RNF207: variants seen among roughly 807,000 people sequenced by gnomAD.
RNF207 encodes the protein OTTHUMG00000001089.
A neutral mutation model predicts 79.0 loss-of-function variants in RNF207; 72 were observed. The ratio of observed to expected loss-of-function variants is 0.91; its 90% CI spans 0.75 to 1.11. The LOEUF (loss-of-function observed/expected upper bound fraction) is 1.11, where lower values mean the gene tolerates loss of function less well. Ranked by LOEUF, RNF207 falls within the 50% of genes least tolerant of loss-of-function variation. The pLI, the probability that RNF207 is intolerant of heterozygous loss-of-function variation, is 0.00. For synonymous variants in RNF207, 348 were observed against 366.2 expected (o/e 0.95, Z 0.57); for missense variants, 936 against 855.8 (o/e 1.09, Z -1.17).
rs1469493756 is a variant in RNF207 at position 6,215,775 on chromosome 1, G to T, written c.1653-2514G>T. ...CCTCCCAGGTTCAATCGATTCTCCT[G>T]CCTCAGCCTCCAGAGTAGCTGGGAT... On this transcript the variant is annotated intron_variant, in intron 16 of 17. Coordinates refer to ENST00000377939, the MANE Select transcript of RNF207 (RefSeq NM_207396.3). Among the ~76,000 whole-genome samples the T allele has an allele frequency of 2.6e-5, 4 of 152,154 alleles. No individual in the cohort carries two copies. The East Asian group carries it at 7.7e-4, about 29-fold the overall frequency.
Position 6,219,244 on chromosome 1 carries a change from C to A in RNF207, c.1742C>A (p.Pro581Gln). ...RNNAASARNNPGSVPEKREKT... is the reference protein window; with the variant it reads ...RNNAASARNNQGSVPEKREKT... ...TGAGGCTGTCCCTTTAGGAATAATC[C>A]AGGAAGTGTCCCGGAAAAGAGAGAG... Residue 581 changes from proline (P) to glutamine (Q), a missense_variant, in exon 18 of 18, where the codon CCA becomes CAA. Transcript: ENST00000377939. 1 of 1,609,550 alleles carries A rather than the reference C, an allele frequency of 6.2e-7. No homozygotes were observed. The highest frequency in any genetic ancestry group is 1.7e-5 in the Admixed American group (1 of 59,114).
chr1:6,208,957 C>A lies in RNF207; in HGVS notation c.401C>A (p.Ala134Glu). The part of the protein sequence containing the change: ...CARCRDETHR[A>E]RMFARHDIVA... The stretch of plus-strand genomic sequence containing the variant: ...CGCTGCCGCGACGAGACGCACCGAG[C>A]ACGCATGTTCGCGCGCCACGACATC... Residue 134 changes from alanine to glutamate, a missense_variant, in exon 4 of 18, where the codon GCA becomes GAA. Coordinates refer to ENST00000377939, the MANE Select transcript of RNF207 (RefSeq NM_207396.3). 1 of 1,536,644 alleles carries A rather than the reference C, an allele frequency of 6.5e-7. No homozygotes were observed. The highest frequency in any genetic ancestry group is 1.4e-5 in the African/African-American group (1 of 72,916).
In RNF207 at chr1:6,207,702, G is replaced by A. The variant is rs1379200568; in HGVS notation, c.324+191G>A. 6 of 733,890 alleles carry A rather than the reference G, an allele frequency of 8.2e-6. No individual in the cohort carries two copies. In the African/African-American group the frequency reaches 1.0e-4, roughly 13 times the overall value. The allele number at this position is 733,890 out of a possible 1,614,324, so 45.5% of individuals were successfully genotyped here. A position where few individuals can be genotyped will look rare whatever the true frequency, so the allele number is the denominator to read the frequency against. Reference sequence around the variant, plus strand: ...GGGGAGACTGAGGTCCAGAACAAGGGACTTGAGCCAGTGTCCAGACAGTGG... The same window carrying A: ...GGGGAGACTGAGGTCCAGAACAAGGAACTTGAGCCAGTGTCCAGACAGTGG... On this transcript the variant is annotated intron_variant, in intron 3 of 17. Transcript: ENST00000377939. The surrounding 1 kb of genome is among the most constrained non-coding windows in gnomAD (Gnocchi z 4.5).
At position 6,211,099 on chromosome 1, in the gene RNF207, G is replaced by T; in HGVS notation, c.1090G>T (p.Ala364Ser). 1 of 1,598,352 alleles carries T rather than the reference G, an allele frequency of 6.3e-7. No homozygotes were observed. Residue 364 changes from alanine (A) to serine (S), a missense_variant, in exon 12 of 18, where the codon GCT (alanine) becomes TCT (serine). Physicochemically the swap from Ala to Ser is moderately conservative, Grantham distance 99. Coordinates refer to ENST00000377939, the MANE Select transcript of RNF207 (RefSeq NM_207396.3). This position sits in a 1 kb window ranked among gnomAD's most constrained non-coding sequence, Gnocchi z 4.2. ...GCTGGGGCCACGTCGGGTGGCAGCT[G>T]CTGCAAGTGGTGCTAACACGTGAGC... ...LLLGPRRVAA[A>S]ASGANTLAGG...
Position 6,218,294 on chromosome 1 carries a change from A to G in RNF207, c.1658A>G (p.Gln553Arg). ...GGTGCCCACTCCCTTGCCAGGTTTC[A>G]GGCACCCGTGGATGAGCAGTCAGAG... ...KVKERLEPRF[Q>R]APVDEQSESL... Residue 553 changes from glutamine to arginine, a missense_variant, in exon 17 of 18, where the codon CAG (glutamine) becomes CGG (arginine). Gln to Arg is a conservative substitution (Grantham distance 43, BLOSUM62 1). Transcript: ENST00000377939. 6.2e-7 allele frequency: 1 copy of G among 1,612,840 alleles called. No individual in the cohort carries two copies. The highest frequency in any genetic ancestry group is 8.5e-7 in the Non-Finnish European group (1 of 1,178,838).
At chr1:6,206,513 G>T (rs766742539) in intron 1 of RNF207, 23 bp from the exon 2 acceptor site, 33 of 1,524,656 alleles carry the variant, frequency 2.2e-5, no homozygotes, top group Non-Finnish European at 2.9e-5. Context: ...TGCCCCAGCC[G>T]CCCGCTTGCG....
Position 6,219,311 on chromosome 1 carries a change from CCTCTCAGAAGAG to C in RNF207, c.1811_1822del (p.Leu604_Glu607del). The C allele has an allele frequency of 6.2e-7, 1 of 1,613,310 alleles. No individual in the cohort carries two copies. The highest frequency in any genetic ancestry group is 8.5e-7 in the Non-Finnish European group (1 of 1,179,558). On this transcript the variant is annotated inframe_deletion, in exon 18 of 18. Transcript: ENST00000377939. ...AAGGAAACAGCTGGGCTCCGAACGGCCTCTCAGAAGAGCCTCTACTGAAAAATATGGATCATC... is the reference window on the plus strand; with the variant it reads ...AAGGAAACAGCTGGGCTCCGAACGGCCCTCTACTGAAAAATATGGATCATC...
At chr1:6,210,011 G>T (rs1413648616) in intron 8 of RNF207, 41 bp downstream of exon 8, 6 of 1,535,138 alleles carry the variant, frequency 3.9e-6, no homozygotes, top group Non-Finnish European at 5.3e-6. Context: ...TTACCCCTTG[G>T]CCTCCATGGC....
intron 3 of RNF207, 55 bp from the exon 4 acceptor site, chr1:6,208,826 C>T: frequency 6.8e-7 from 1 of 1,480,950 alleles, no homozygotes; most frequent in Non-Finnish European, 8.9e-7. Flanking sequence ...GGCTGCGGTT[C>T]CCGCGCTGGC....
Position 6,209,463 on chromosome 1 carries a change from A to T in RNF207, c.677A>T (p.Gln226Leu). 8 of 1,512,536 alleles carry T rather than the reference A, an allele frequency of 5.3e-6. No individual in the cohort carries two copies. Among genetic ancestry groups the T allele is most frequent in the Non-Finnish European group, 7.0e-6 (8 of 1,135,674 alleles). 93.7% of individuals were successfully genotyped at this position (1,512,536 alleles called of 1,614,324 possible). Residue 226 changes from glutamine to leucine, a missense_variant, in exon 7 of 18, where the codon CAG becomes CTG. Transcript: ENST00000377939. ...TATREAIALL[Q>L]AMVEEVRHSA... The stretch of plus-strand genomic sequence containing the variant: ...ACGCGGGAGGCCATCGCGCTGCTGC[A>T]GGCCATGGTGGAGGAGGTGCGGCAC...
rs746353760 is a variant in RNF207, at chr1:6,206,684, G to A, written c.149G>A (p.Arg50His). 1 of 1,604,404 alleles carries A rather than the reference G, an allele frequency of 6.2e-7. No individual in the cohort carries two copies. Among genetic ancestry groups the A allele is most frequent in the Non-Finnish European group, 8.5e-7 (1 of 1,179,708 alleles). ...CACGACTTCTGTGCCGGCTGCCTGC[G>A]TGGCCGCGCGACCGACGGCCGCCTC... is the stretch of plus-strand genomic sequence containing the variant. ...CFHDFCAGCL[R>H]GRATDGRLTC... Residue 50 changes from arginine (R) to histidine (H), a missense_variant, in exon 2 of 18, where the codon CGT (arginine) becomes CAT (histidine). Arg to His is a conservative substitution (Grantham distance 29). Transcript: ENST00000377939.
chr1:6,215,323 C>T (rs1349281518), intron 16 of RNF207, among the ~76,000 whole-genome samples: 1 of 150,888 alleles, frequency 6.6e-6, no homozygotes, highest in African/African-American at 2.5e-5. Context: ...CCACTGCACC[C>T]GGCCCCCCTT....
intron 1 of RNF207, 65 bp downstream of exon 1, chr1:6,206,367 A>T: frequency 1.7e-6 from 1 of 586,586 alleles, no homozygotes; most frequent in Non-Finnish European, 3.0e-6. Flanking sequence ...GGGGAGCTCC[A>T]GGCCCCAGCC....
At chr1:6,218,464 G>A (rs879161422) in intron 17 of RNF207, 95 bp downstream of exon 17, 23 of 931,930 alleles carry the variant, frequency 2.5e-5, no homozygotes, top group South Asian at 2.5e-4. Flanking sequence ...CCCCTTTGGC[G>A]CCAGCTCTGG....
chr1:6,219,338 T>TA lies in RNF207; in HGVS notation c.1837dup (p.Met613AsnfsTer102). On this transcript the variant is annotated frameshift_variant, in exon 18 of 18. Coordinates refer to ENST00000377939, the MANE Select transcript of RNF207 (RefSeq NM_207396.3). LOFTEE classifies it low-confidence loss of function (END_TRUNC). ...TCTCAGAAGAGCCTCTACTGAAAAA[T>TA]ATGGATCATCACAGATCCAAACAGA... The TA allele has an allele frequency of 6.2e-7, 1 of 1,612,864 alleles. No homozygotes were observed. The highest frequency in any genetic ancestry group is 1.1e-5 in the South Asian group (1 of 91,000).
Position 6,219,293 on chromosome 1 carries a change from C to T in RNF207, c.1791C>T (p.Asn597=), listed in dbSNP as rs768916223. Reference sequence around the variant, plus strand: ...AGAAGACATCAGAGCCTAAAGGAAACAGCTGGGCTCCGAACGGCCTCTCAG... The same window carrying T: ...AGAAGACATCAGAGCCTAAAGGAAATAGCTGGGCTCCGAACGGCCTCTCAG... ...KREKTSEPKG[N]SWAPNGLSEE... is the part of the protein sequence containing the mutation. Residue 597 remains asparagine (N), a synonymous_variant, in exon 18 of 18, where the codon AAC becomes AAT. Transcript: ENST00000377939. The T allele has an allele frequency of 2.5e-6, 4 of 1,613,710 alleles. No individual in the cohort carries two copies. In the South Asian group the frequency reaches 4.4e-5, roughly 18 times the overall value.
rs372680206 is a variant in RNF207 at position 6,210,862 on chromosome 1, T to C, written c.943-8T>C. 1 of 1,593,138 alleles carries C rather than the reference T, an allele frequency of 6.3e-7. No individual in the cohort carries two copies. Among genetic ancestry groups the C allele is most frequent in the South Asian group, 1.1e-5 (1 of 87,196 alleles). On this transcript the variant is annotated splice_region_variant and splice_polypyrimidine_tract_variant and intron_variant, in intron 10 of 17. Transcript: ENST00000377939. ...TCCACCGGCCTGAGGCCCTCCTCAC[T>C]GCCACAGGAGCTGATGGAGAGGCTG...
Position 6,210,452 on chromosome 1 carries a change from G to T in RNF207, c.942+14G>T. 1.2e-6 allele frequency: 2 copies of T among 1,608,108 alleles called. No homozygotes were observed. Among genetic ancestry groups the T allele is most frequent in the Non-Finnish European group, 1.7e-6 (2 of 1,176,472 alleles). ...GACCTGGGCTATGTGAGTCTCCTCT[G>T]CTCCTGCAGATGCCCCCTCCCCACC... is the stretch of plus-strand genomic sequence containing the variant. On this transcript the variant is annotated intron_variant, in intron 10 of 17. Coordinates refer to ENST00000377939, the MANE Select transcript of RNF207 (RefSeq NM_207396.3).
intron 10 of RNF207, 157 bp downstream of exon 10, chr1:6,210,595 T>A (rs1405038346): frequency 1.6e-6 from 1 of 641,498 alleles, no homozygotes; most frequent in African/African-American, 1.8e-5. Flanking sequence ...GCAAACCTGT[T>A]AGGGTCACTG....
Sources: gnomAD v4.1 joint callset for allele counts (sites outside exome capture counted in the v4.1 genomes callset) on GRCh38, gnomAD v4.1.1 for gene constraint, Gnocchi (gnomAD v3.1) non-coding constraint, MANE v1.5 for transcripts, NCBI Gene and HGNC (gene_info 2026-07-23, HGNC 2026-07-21) for gene names.